CTNNA2: variants seen among roughly 807,000 people sequenced by gnomAD.
CTNNA2 encodes the protein catenin alpha-2.
Under a neutral mutation model 101.0 loss-of-function variants are expected in CTNNA2, and 42 were observed. The ratio of observed to expected loss-of-function variants is 0.42; its 90% CI spans 0.32 to 0.54. The LOEUF (loss-of-function observed/expected upper bound fraction) is 0.54, where lower values mean the gene tolerates loss of function less well. CTNNA2 is among the 20% of genes least tolerant of loss of function. The pLI is 0.14. For synonymous variants in CTNNA2, 450 were observed against 456.4 expected, an observed-to-expected ratio of 0.99 and a Z score of 0.18; for missense variants, 871 against 1,223.1, an observed-to-expected ratio of 0.71 and a Z score of 4.29.
intron 7 of CTNNA2, among the ~76,000 whole-genome samples, chr2:80,123,635 A>T (rs1701967798): frequency 6.6e-6 from 1 of 152,168 alleles, no homozygotes; most frequent in Non-Finnish European, 1.5e-5. Context: ...TTTCTTGTTC[A>T]GTATGTATTC....
intron 3 of CTNNA2, among the ~76,000 whole-genome samples, chr2:79,841,675 T>C (rs1444097205): frequency 6.6e-6 from 1 of 152,236 alleles, no homozygotes; most frequent in Non-Finnish European, 1.5e-5. Flanking sequence ...AAGCAATGTG[T>C]GATCTTTATA....
rs138669185 is a variant in CTNNA2 at position 79,662,478 on chromosome 2, A to G, written c.102+10820A>G. 3.5e-3 allele frequency among the ~76,000 whole-genome samples: 534 copies of G among 152,248 alleles called. 11 individuals carry two copies. The East Asian group carries it at 0.048, about 14-fold the overall frequency. ...CATGCTAATTCAAAAATTTCAAGGG[A>G]AAGATTGGGGGCGGTTAGCTAACAA... On this transcript the variant is annotated intron_variant, in intron 2 of 18. Coordinates refer to ENST00000402739, the MANE Select transcript of CTNNA2 (RefSeq NM_001282597.3).
intron 7 of CTNNA2, among the ~76,000 whole-genome samples, chr2:80,038,454 C>G (rs569757092): frequency 1.2e-4 from 19 of 152,292 alleles, no homozygotes; most frequent in African/African-American, 4.3e-4. Context: ...GGCGCGGTGA[C>G]TCACGCCTGT....
At chr2:80,275,219 G>A (rs1196173018) in intron 7 of CTNNA2, among the ~76,000 whole-genome samples, 1 of 152,154 alleles carries the variant, frequency 6.6e-6, no homozygotes, top group African/African-American at 2.4e-5. Context: ...AGAACAAAAT[G>A]TCTAACAGTA....
exon 4 of CTNNA2, chr2:79,373,921 T>A (rs1045211263): frequency 6.6e-6 from 1 of 152,104 alleles, no homozygotes; most frequent in Admixed American, 6.5e-5. Context: ...TGAGTGCCAA[T>A]GGAAGCCTGT....
chr2:79,725,793 A>G (rs1686800173), intron 2 of CTNNA2, among the ~76,000 whole-genome samples: 1 of 152,140 alleles, frequency 6.6e-6, no homozygotes, highest in Non-Finnish European at 1.5e-5. Flanking sequence ...GATTTTTTCC[A>G]TAGATCATTT....
chr2:79,531,895 T>C (rs1672768758), intron 1 of CTNNA2, among the ~76,000 whole-genome samples: 1 of 152,136 alleles, frequency 6.6e-6, no homozygotes, highest in Non-Finnish European at 1.5e-5. Context: ...TTGGTCAGGC[T>C]GGTCTCGAAC....
At chr2:80,399,829 T>C (rs1678391149) in intron 8 of CTNNA2, among the ~76,000 whole-genome samples, 1 of 152,230 alleles carries the variant, frequency 6.6e-6, no homozygotes, top group African/African-American at 2.4e-5. Context: ...ATCACATTTT[T>C]CAGCATGAAA....
Position 79,304,366 on chromosome 2 carries a change from T to C in CTNNA2, c.-405-8343T>C, listed in dbSNP as rs1381203512. Among the ~76,000 whole-genome samples, 5 of 152,222 alleles carry C rather than the reference T, an allele frequency of 3.3e-5. No homozygotes were observed. In the East Asian group the frequency reaches 9.6e-4, roughly 29 times the overall value. ...AACTGGTGTATCCATCCCAGAACAGTATCTTAGTATTCTAAAACTGGTTGA... is the reference window on the plus strand; with the variant it reads ...AACTGGTGTATCCATCCCAGAACAGCATCTTAGTATTCTAAAACTGGTTGA... On this transcript the variant is annotated intron_variant, in intron 2 of 21. Transcript: ENST00000466387.
chr2:80,398,250 G>A (rs1229237255), intron 8 of CTNNA2, among the ~76,000 whole-genome samples: 1 of 152,030 alleles, frequency 6.6e-6, no homozygotes, highest in African/African-American at 2.4e-5. Context: ...CTCATGATAG[G>A]GCCAATTATT....
chr2:79,869,503 A>C (rs1682420786), intron 4 of CTNNA2, among the ~76,000 whole-genome samples: 1 of 152,122 alleles, frequency 6.6e-6, no homozygotes, highest in African/African-American at 2.4e-5. Context: ...TCTCAAATAT[A>C]TTTTCCTTAG....
intron 7 of CTNNA2, among the ~76,000 whole-genome samples, chr2:80,280,164 A>G (rs1674253954): frequency 6.6e-6 from 1 of 150,924 alleles, no homozygotes; most frequent in African/African-American, 2.4e-5. Flanking sequence ...AGCACTTTGT[A>G]AAGTACAAAA....
chr2:80,571,389 A>G (rs1694581638), intron 12 of CTNNA2, among the ~76,000 whole-genome samples: 1 of 152,234 alleles, frequency 6.6e-6, no homozygotes, highest in African/African-American at 2.4e-5. Flanking sequence ...CCAGTTCTAT[A>G]AGAAGTACAA....
chr2:80,279,048 A>ATGTGTGTGTG (rs1385414261), intron 7 of CTNNA2, among the ~76,000 whole-genome samples: 2 of 26,266 alleles, frequency 7.6e-5, no homozygotes, highest in Non-Finnish European at 1.6e-4. Context: ...AATGACTTTT[A>ATGTGTGTGTG]CGTGTGTGTG....
chr2:80,243,074 C>T (rs1203274670), intron 7 of CTNNA2, among the ~76,000 whole-genome samples: 2 of 152,130 alleles, frequency 1.3e-5, no homozygotes, highest in Non-Finnish European at 2.9e-5. Flanking sequence ...GAGAAGAGAC[C>T]AACATGTTCA....
intron 6 of CTNNA2, among the ~76,000 whole-genome samples, chr2:79,887,845 A>C (rs1683999989): frequency 6.6e-6 from 1 of 152,096 alleles, no homozygotes; most frequent in Non-Finnish European, 1.5e-5. Flanking sequence ...CTTCTTTTTC[A>C]ATGGCAAATT....
At chr2:79,774,700 C>T (rs1573935571) in intron 3 of CTNNA2, among the ~76,000 whole-genome samples, 1 of 152,066 alleles carries the variant, frequency 6.6e-6, no homozygotes, top group Admixed American at 6.5e-5. Flanking sequence ...TGTGAATATC[C>T]ACAAAACAGG....
chr2:79,792,592 T>C (rs1434488068), intron 3 of CTNNA2, among the ~76,000 whole-genome samples: 2 of 152,026 alleles, frequency 1.3e-5, no homozygotes, highest in Non-Finnish European at 2.9e-5. Flanking sequence ...TTCCAATGAG[T>C]TGCCCCTACC....
chr2:80,453,370 T>C (rs1279480113), intron 9 of CTNNA2, among the ~76,000 whole-genome samples: 1 of 151,110 alleles, frequency 6.6e-6, no homozygotes, highest in Non-Finnish European at 1.5e-5. Flanking sequence ...GTTAAGAGTG[T>C]CAGTCTAAGA....
Sources: gnomAD v4.1 joint callset for allele counts (sites outside exome capture counted in the v4.1 genomes callset) on GRCh38, gnomAD v4.1.1 for gene constraint, MANE v1.5 for transcripts, NCBI Gene and HGNC (gene_info 2026-07-23, HGNC 2026-07-21) for gene names.